OPCML: variants seen among roughly 807,000 people sequenced by gnomAD.
OPCML encodes the protein opioid-binding protein/cell adhesion molecule.
OPCML carries 13 observed loss-of-function variants against 37.8 expected under a neutral mutation model. That is an observed-to-expected ratio of 0.34 (90% confidence interval 0.22 to 0.55). The LOEUF is 0.55. OPCML is among the 20% of genes least tolerant of loss of function. The probability of loss-of-function intolerance (pLI) is 0.91; values close to 1 mark genes in which losing one functional copy is unlikely to be tolerated. For synonymous variants in OPCML, 176 were observed against 168.8 expected, an observed-to-expected ratio of 1.04 and a Z score of -0.33; for missense variants, 341 against 435.6, an observed-to-expected ratio of 0.78 and a Z score of 1.93.
intron 1 of OPCML, among the ~76,000 whole-genome samples, chr11:133,035,036 A>G (rs1246914492): frequency 6.6e-6 from 1 of 152,172 alleles, no homozygotes; most frequent in Non-Finnish European, 1.5e-5. Flanking sequence ...TCAACACCAG[A>G]TGGATAATGC....
intron 1 of OPCML, among the ~76,000 whole-genome samples, chr11:133,450,604 C>T (rs772160086): frequency 3.3e-5 from 5 of 151,458 alleles, no homozygotes; most frequent in East Asian, 1.9e-4. Flanking sequence ...AAAAAACAAG[C>T]GAGTGAGAGA....
chr11:133,339,229 T>C (rs1943809388), intron 1 of OPCML, among the ~76,000 whole-genome samples: 1 of 152,242 alleles, frequency 6.6e-6, no homozygotes. Flanking sequence ...CATTTCATTA[T>C]AACTTTGCAT....
At chr11:133,050,421 T>C (rs1163620339) in intron 1 of OPCML, among the ~76,000 whole-genome samples, 2 of 152,200 alleles carry the variant, frequency 1.3e-5, no homozygotes, top group African/African-American at 4.8e-5. Context: ...ATGGGTGTTC[T>C]TATGGTTAAA....
intron 1 of OPCML, among the ~76,000 whole-genome samples, chr11:133,103,873 C>T (rs1220952211): frequency 2.6e-5 from 4 of 152,184 alleles, no homozygotes; most frequent in Non-Finnish European, 2.9e-5. Context: ...CTCTCTTTTT[C>T]TTTCTCCCCA....
chr11:132,511,299 T>C (rs996320092), intron 4 of OPCML, among the ~76,000 whole-genome samples: 1 of 152,110 alleles, frequency 6.6e-6, no homozygotes, highest in Non-Finnish European at 1.5e-5. Context: ...AAGGGAAGAA[T>C]ATATTTTAAG....
chr11:133,174,773 CTATAT>C lies in OPCML; in HGVS notation c.62-231768_62-231764del, dbSNP rs528438486. On this transcript the variant is annotated intron_variant, in intron 1 of 7. Transcript: ENST00000524381. This position sits in a 1 kb window ranked among gnomAD's most constrained non-coding sequence, Gnocchi z 4.6. ...CTCTGACTGTTTTAGTCATTCAACTCTATATTATAATTCATTTATGATGAGTGTAT... is the reference window on the plus strand; with the variant it reads ...CTCTGACTGTTTTAGTCATTCAACTCTATAATTCATTTATGATGAGTGTAT... 1.8e-4 allele frequency among the ~76,000 whole-genome samples: 27 copies of C among 151,938 alleles called. No individual in the cohort carries two copies. The highest frequency in any genetic ancestry group is 3.2e-4 in the Non-Finnish European group (22 of 67,996).
chr11:132,610,108 G>A (rs992381809), intron 3 of OPCML, among the ~76,000 whole-genome samples: 5 of 152,200 alleles, frequency 3.3e-5, no homozygotes, highest in Non-Finnish European at 1.5e-5. Flanking sequence ...GCTTGTGCAT[G>A]AGAATCAATT....
At chr11:132,787,347 GGAAT>G (rs1947249874) in intron 2 of OPCML, among the ~76,000 whole-genome samples, 1 of 152,114 alleles carries the variant, frequency 6.6e-6, no homozygotes, top group Admixed American at 6.5e-5. Context: ...ACCTAGTTAC[GGAAT>G]GAAGGTATTA....
chr11:132,827,156 A>G (rs4245109), intron 2 of OPCML, among the ~76,000 whole-genome samples: 135,561 of 152,162 alleles, frequency 0.89, 61,274 homozygotes, highest in Middle Eastern at 0.96. Context: ...AAATGTCTGC[A>G]AAACATATAT....
intron 1 of OPCML, among the ~76,000 whole-genome samples, chr11:133,085,088 T>G (rs1948799172): frequency 1.3e-5 from 2 of 152,238 alleles, no homozygotes; most frequent in African/African-American, 4.8e-5. Context: ...ACTCCTTTAT[T>G]TAATGTTGAA....
intron 1 of OPCML, among the ~76,000 whole-genome samples, chr11:133,196,850 A>T (rs775491058): frequency 6.6e-6 from 1 of 152,214 alleles, no homozygotes; most frequent in Non-Finnish European, 1.5e-5. Context: ...TGTCTGAGGC[A>T]TAAGGACCTG....
At position 133,208,762 on chromosome 11, in the gene OPCML, G is replaced by A. The variant is rs1939226379; in HGVS notation, c.62-265752C>T. ...GAAGCACACGTTATCTAAAGCAATG[G>A]CCCTTCTCTAGGACCAAAGGGATAC... is the stretch of plus-strand genomic sequence containing the variant. On this transcript the variant is annotated intron_variant, in intron 1 of 7. Coordinates refer to ENST00000524381, the MANE Select transcript of OPCML (RefSeq NM_001012393.5). This position sits in a 1 kb window ranked among gnomAD's most constrained non-coding sequence, Gnocchi z 8.9. Among the ~76,000 whole-genome samples the A allele has an allele frequency of 6.6e-6, 1 of 152,142 alleles. No individual in the cohort carries two copies. Among genetic ancestry groups the A allele is most frequent in the East Asian group, 1.9e-4 (1 of 5,186 alleles).
chr11:132,730,457 A>C (rs1477319393), intron 2 of OPCML, among the ~76,000 whole-genome samples: 1 of 152,170 alleles, frequency 6.6e-6, no homozygotes, highest in Non-Finnish European at 1.5e-5. Context: ...AATAGCTCTG[A>C]TCCTCCCTTG....
chr11:133,327,059 G>A (rs1364198892), intron 1 of OPCML, among the ~76,000 whole-genome samples: 1 of 144,612 alleles, frequency 6.9e-6, no homozygotes, highest in Non-Finnish European at 1.5e-5. Context: ...TGTGTGGGGT[G>A]TGGGTGGGAT....
At chr11:132,763,168 G>A (rs1221692333) in intron 2 of OPCML, among the ~76,000 whole-genome samples, 1 of 152,138 alleles carries the variant, frequency 6.6e-6, no homozygotes, top group Admixed American at 6.5e-5. Context: ...GTCCCAATGA[G>A]ATGAACTGGG....
At chr11:133,063,568 G>GTTTTTTTTTT (rs34801498) in intron 1 of OPCML, among the ~76,000 whole-genome samples, 7 of 149,344 alleles carry the variant, frequency 4.7e-5, no homozygotes, top group African/African-American at 1.7e-4. Flanking sequence ...AGAGCTGTTG[G>GTTTTTTTTTT]TTTTTTTTTT....
chr11:132,970,570 G>T (rs1209501555), intron 1 of OPCML, among the ~76,000 whole-genome samples: 1 of 152,076 alleles, frequency 6.6e-6, no homozygotes, highest in Non-Finnish European at 1.5e-5. Context: ...GGCATTCATG[G>T]ATCTTTATAA....
chr11:132,466,026 C>T (rs1301865653), intron 4 of OPCML, among the ~76,000 whole-genome samples: 1 of 152,096 alleles, frequency 6.6e-6, no homozygotes, highest in Non-Finnish European at 1.5e-5. Flanking sequence ...AGAGCTCCAC[C>T]AATGCACACC....
chr11:132,961,560 A>G (rs1170912191), intron 1 of OPCML, among the ~76,000 whole-genome samples: 2 of 152,200 alleles, frequency 1.3e-5, no homozygotes, highest in African/African-American at 2.4e-5. Context: ...TAATTCTATT[A>G]CCTAAATATG....
Sources: gnomAD v4.1 joint callset for allele counts (sites outside exome capture counted in the v4.1 genomes callset) on GRCh38, gnomAD v4.1.1 for gene constraint, Gnocchi (gnomAD v3.1) non-coding constraint, MANE v1.5 for transcripts, NCBI Gene and HGNC (gene_info 2026-07-23, HGNC 2026-07-21) for gene names.